Variants in ADAMTSL1 observed in about 807,000 individuals in gnomAD.
ADAMTSL1 encodes ADAMTS like 1, also known as ADAMTS-like protein 1.
Under a neutral mutation model 201.8 loss-of-function variants are expected in ADAMTSL1, and 126 were observed. That is an observed-to-expected ratio of 0.62 (90% CI 0.54 to 0.72). ADAMTSL1 has a LOEUF of 0.72. ADAMTSL1 is among the 30% of genes least tolerant of loss of function. The pLI is 0.00. For synonymous variants in ADAMTSL1, 1,121 were observed against 903.4 expected (o/e 1.24, Z -4.32); for missense variants, 2,679 against 2,277.8 (o/e 1.18, Z -3.59).
At chr9:17,936,755 C>T (rs995447622) in intron 1 of ADAMTSL1, among the ~76,000 whole-genome samples, 1 of 152,186 alleles carries the variant, frequency 6.6e-6, no homozygotes, top group African/African-American at 2.4e-5. Context: ...CTCGCCACCG[C>T]CTGCATGGAT....
chr9:18,166,928 A>G (rs926450565), intron 2 of ADAMTSL1, among the ~76,000 whole-genome samples: 2 of 151,918 alleles, frequency 1.3e-5, no homozygotes, highest in Non-Finnish European at 2.9e-5. Context: ...ATTGGCGTGA[A>G]TTAACTTTTG....
At chr9:18,738,810 A>T (rs1211881528) in intron 15 of ADAMTSL1, among the ~76,000 whole-genome samples, 1 of 152,212 alleles carries the variant, frequency 6.6e-6, no homozygotes. Flanking sequence ...CAGTAATTCC[A>T]AGCATAAGCA....
intron 1 of ADAMTSL1, among the ~76,000 whole-genome samples, chr9:18,151,109 A>G (rs1318336264): frequency 6.6e-6 from 1 of 152,018 alleles, no homozygotes; most frequent in Non-Finnish European, 1.5e-5. Context: ...TAGTCCATCT[A>G]TTTAATGAAT....
chr9:18,547,524 C>T (rs1587526093), intron 3 of ADAMTSL1, among the ~76,000 whole-genome samples: 1 of 150,218 alleles, frequency 6.7e-6, no homozygotes, highest in South Asian at 2.1e-4. Flanking sequence ...GGTAGGATAC[C>T]AGGGTTGAAT....
At chr9:18,176,013 A>AT (rs1457467742) in intron 2 of ADAMTSL1, among the ~76,000 whole-genome samples, 2 of 131,974 alleles carry the variant, frequency 1.5e-5, no homozygotes, top group Non-Finnish European at 3.3e-5. Context: ...AAAGCAAAAA[A>AT]AAAAAAAAAA....
chr9:18,756,852 T>A lies in ADAMTSL1; in HGVS notation c.2217+3344T>A, dbSNP rs562803942. 2.6e-5 allele frequency among the ~76,000 whole-genome samples: 4 copies of A among 152,368 alleles called. No homozygotes were observed. The South Asian group carries it at 8.3e-4, about 32-fold the overall frequency. On this transcript the variant is annotated intron_variant, in intron 16 of 28. Coordinates refer to ENST00000380548, the MANE Select transcript of ADAMTSL1 (RefSeq NM_001040272.6). ...TTACCACTGACCTCATGTGTATGTT[T>A]CTCTTTCTGGGGGGAAGAAAACATA...
chr9:18,289,143 A>ATCTG (rs1312929317), intron 2 of ADAMTSL1, among the ~76,000 whole-genome samples: 8 of 98,770 alleles, frequency 8.1e-5, no homozygotes, highest in Non-Finnish European at 1.6e-4. Context: ...CTGTCTATCT[A>ATCTG]TCTATCTATC....
At chr9:18,592,615 G>A (rs112981400) in intron 4 of ADAMTSL1, among the ~76,000 whole-genome samples, 11,404 of 152,102 alleles carry the variant, frequency 0.075, 518 homozygotes, top group South Asian at 0.2. Context: ...TGCTATTTTC[G>A]TTACTATATC....
intron 1 of ADAMTSL1, among the ~76,000 whole-genome samples, chr9:18,033,198 A>C (rs1821049643): frequency 1.3e-5 from 2 of 152,204 alleles, no homozygotes; most frequent in South Asian, 4.1e-4. Context: ...ATTGTTTTTC[A>C]AAATTAGTGA....
intron 2 of ADAMTSL1, among the ~76,000 whole-genome samples, chr9:18,366,582 A>G (rs1206421004): frequency 6.7e-6 from 1 of 149,600 alleles, no homozygotes; most frequent in Non-Finnish European, 1.5e-5. Context: ...TTCTTTTCCA[A>G]CAAAAACACT....
intron 1 of ADAMTSL1, among the ~76,000 whole-genome samples, chr9:17,964,612 G>A (rs950478972): frequency 1.3e-5 from 2 of 152,212 alleles, no homozygotes; most frequent in South Asian, 4.1e-4. Flanking sequence ...CAGTAAAACT[G>A]TGGAAATCTG....
intron 4 of ADAMTSL1, among the ~76,000 whole-genome samples, chr9:18,588,867 C>T (rs1486715904): frequency 3.2e-5 from 3 of 93,418 alleles, no homozygotes; most frequent in African/African-American, 4.8e-5. Flanking sequence ...TAGCTTTGTG[C>T]CATATATATA....
chr9:18,466,430 C>G (rs1454444799), intron 2 of ADAMTSL1, among the ~76,000 whole-genome samples: 1 of 152,040 alleles, frequency 6.6e-6, no homozygotes, highest in Non-Finnish European at 1.5e-5. Flanking sequence ...GAAAGGCTCA[C>G]CATAATTTCA....
chr9:17,932,508 C>A (rs2090932119), intron 1 of ADAMTSL1, among the ~76,000 whole-genome samples: 1 of 152,128 alleles, frequency 6.6e-6, no homozygotes, highest in Non-Finnish European at 1.5e-5. Context: ...GTGGTAAACT[C>A]ATTTTTCGTT....
At position 18,504,923 on chromosome 9, in the gene ADAMTSL1, C is replaced by T. The variant is rs370892034; in HGVS notation, c.158C>T (p.Ala53Val). 11 of 1,611,382 alleles carry T rather than the reference C, an allele frequency of 6.8e-6. No individual in the cohort carries two copies. The highest frequency in any genetic ancestry group is 8.5e-6 in the Non-Finnish European group (10 of 1,179,430). Reference protein sequence around the residue: ...SECSRTCGGGASYSLRRCLSS... With the variant: ...SECSRTCGGGVSYSLRRCLSS... ...TGCTCACGCACCTGCGGGGGTGGGG[C>T]CTCCTACTCTCTGAGGCGCTGCCTG... The change falls in exon 2 of 29, where the codon GCC becomes GTC. Residue 53 changes from alanine (A) to valine (V), a missense_variant. Ala to Val is a moderately conservative substitution (Grantham distance 64). Coordinates refer to ENST00000380548, the MANE Select transcript of ADAMTSL1 (RefSeq NM_001040272.6).
At chr9:18,601,375 C>T (rs1448747038) in intron 4 of ADAMTSL1, among the ~76,000 whole-genome samples, 1 of 152,188 alleles carries the variant, frequency 6.6e-6, no homozygotes, top group East Asian at 1.9e-4. Flanking sequence ...AGTGCCAGGG[C>T]AACTTTGAGG....
At position 18,681,829 on chromosome 9, in the gene ADAMTSL1, C is replaced by T. The variant is rs760703823; in HGVS notation, c.1359C>T (p.Gly453=). The T allele has an allele frequency of 1.6e-5, 26 of 1,612,706 alleles. No individual in the cohort carries two copies. The highest frequency in any genetic ancestry group is 2.0e-5 in the Non-Finnish European group (24 of 1,179,240). The change falls in exon 12 of 29, where the codon GGC becomes GGT. Residue 453 remains glycine (G), a synonymous_variant. Transcript: ENST00000380548. The part of the protein sequence containing the change: ...QEWSPCTVTC[G]QGLRYRVVLC... ...CTTTCCAGTGCACAGTGACATGTGG[C>T]CAGGGCCTCAGATACCGTGTGGTCC...
intron 1 of ADAMTSL1, among the ~76,000 whole-genome samples, chr9:18,071,415 T>C (rs927159109): frequency 6.6e-6 from 1 of 152,160 alleles, no homozygotes; most frequent in Non-Finnish European, 1.5e-5. Context: ...TATAAAAGGA[T>C]CTCCATGGTG....
At chr9:18,194,566 A>G (rs974371296) in intron 2 of ADAMTSL1, among the ~76,000 whole-genome samples, 1 of 151,942 alleles carries the variant, frequency 6.6e-6, no homozygotes, top group Non-Finnish European at 1.5e-5. Context: ...ATGAGTTGAG[A>G]TTCCTAAGAG....
Sources: allele counts gnomAD v4.1 joint callset (sites outside exome capture counted in the v4.1 genomes callset), GRCh38; gene constraint gnomAD v4.1.1; transcripts MANE v1.5; gene names NCBI Gene and HGNC (gene_info 2026-07-23, HGNC 2026-07-21).